Variants in HSPG2 observed in about 807,000 individuals in gnomAD.
HSPG2 encodes the protein basement membrane-specific heparan sulfate proteoglycan core protein.
A neutral mutation model predicts 526.6 loss-of-function variants in HSPG2; 278 were observed. The observed-to-expected ratio is 0.53, with a 90% CI of 0.48 to 0.58. The LOEUF is 0.58. HSPG2 is among the 20% of genes least tolerant of loss of function. HSPG2 has a pLI of 0.00. For synonymous variants in HSPG2, 2,465 were observed against 2,555.4 expected, an observed-to-expected ratio of 0.96 and a Z score of 1.07; for missense variants, 5,354 against 6,099.5, an observed-to-expected ratio of 0.88 and a Z score of 4.07.
rs34855688 is a variant in HSPG2, at chr1:21,873,489, G to A, written c.3744-65C>T. 73,155 of 1,485,000 alleles carry A rather than the reference G, an allele frequency of 0.049. 2,264 individuals carry two copies. Among genetic ancestry groups the A allele is most frequent in the South Asian group, 0.1 (9,059 of 88,460 alleles). The allele number at this position is 1,485,000 out of a possible 1,614,324, so 92.0% of individuals were successfully genotyped here. ...GGAAGCAGAACCCCAGGGCTGGGCT[G>A]AGGGCCCCATATTGAATTCAATGGC... is the stretch of plus-strand genomic sequence containing the variant. On this transcript the variant is annotated intron_variant, in intron 29 of 96. Coordinates refer to ENST00000374695, the MANE Select transcript of HSPG2 (RefSeq NM_005529.7).
At chr1:21,902,011 C>T (rs1209183567) in intron 1 of HSPG2, among the ~76,000 whole-genome samples, 4 of 152,282 alleles carry the variant, frequency 2.6e-5, no homozygotes, top group Admixed American at 6.5e-5. Flanking sequence ...TTCCCCTACT[C>T]GGCTGCAACC....
At chr1:21,911,597 G>A (rs1009106642) in intron 1 of HSPG2, among the ~76,000 whole-genome samples, 4 of 152,242 alleles carry the variant, frequency 2.6e-5, no homozygotes, top group African/African-American at 7.2e-5. Context: ...GGAAGCCTGG[G>A]TGGAGAGGCC....
rs113187760 is a variant in HSPG2 at position 21,916,443 on chromosome 1, C to T, written c.64-20133G>A. Among the ~76,000 whole-genome samples the T allele has an allele frequency of 5.7e-3, 864 of 152,000 alleles. 10 individuals are homozygous for T. Among genetic ancestry groups the T allele is most frequent in the African/African-American group, 0.019 (804 of 41,464 alleles). ...TGGCATGAATCCTGGAGGCAAAGCT[C>T]GCGGTGAACCGAGATTGTGTCACTG... On this transcript the variant is annotated intron_variant, in intron 1 of 96. Coordinates refer to ENST00000374695, the MANE Select transcript of HSPG2 (RefSeq NM_005529.7).
At chr1:21,879,879 C>A (rs1372028315) in intron 17 of HSPG2, among the ~76,000 whole-genome samples, 2 of 152,212 alleles carry the variant, frequency 1.3e-5, no homozygotes, top group African/African-American at 4.8e-5. Context: ...TCTCAAACTC[C>A]TGACCTCAAG....
At chr1:21,931,151 G>C (rs1644336034) in intron 1 of HSPG2, among the ~76,000 whole-genome samples, 1 of 152,214 alleles carries the variant, frequency 6.6e-6, no homozygotes, top group African/African-American at 2.4e-5. Flanking sequence ...GCCTCAAAGA[G>C]CCACCTTGTT....
intron 21 of HSPG2, among the ~76,000 whole-genome samples, chr1:21,877,334 G>GTGATACCTTCATCCTTCACA (rs1272109370): frequency 6.6e-6 from 1 of 151,666 alleles, no homozygotes. Context: ...TGAGAGGTAG[G>GTGATACCTTCATCCTTCACA]TGATACCTTC....
At chr1:21,884,988 C>T (rs1641776034) in intron 11 of HSPG2, 25 bp downstream of exon 11, 2 of 1,613,910 alleles carry the variant, frequency 1.2e-6, no homozygotes, top group Non-Finnish European at 1.7e-6. Context: ...CATTCCCACC[C>T]CACCACCTGG....
chr1:21,861,905 C>T, intron 38 of HSPG2, 62 bp from the exon 39 acceptor site: 1 of 1,613,774 alleles, frequency 6.2e-7, no homozygotes, highest in Non-Finnish European at 8.5e-7. Context: ...GCTCCCTTCA[C>T]TTCTGCCCCA....
intron 74 of HSPG2, among the ~76,000 whole-genome samples, chr1:21,838,373 A>G (rs1319161488): frequency 6.6e-6 from 1 of 152,168 alleles, no homozygotes; most frequent in Non-Finnish European, 1.5e-5. Context: ...CTGAAGATCC[A>G]CTGAAGCCCT....
rs2152729523 is a variant in HSPG2, at chr1:21,859,684, G to A, written c.5183-8C>T. 3 of 1,603,250 alleles carry A rather than the reference G, an allele frequency of 1.9e-6. No individual in the cohort carries two copies. The highest frequency in any genetic ancestry group is 2.2e-5 in the South Asian group (2 of 89,036). On this transcript the variant is annotated splice_region_variant and splice_polypyrimidine_tract_variant and intron_variant, in intron 41 of 96. Coordinates refer to ENST00000374695, the MANE Select transcript of HSPG2 (RefSeq NM_005529.7). The surrounding 1 kb of genome is among the most constrained non-coding windows in gnomAD (Gnocchi z 5.3). ...GGAAGTGGAGCTCGGAGCCTGGTGG[G>A]GAGGAGACAAGAGCTTGTTGGTGCA...
chr1:21,840,355 C>T lies in HSPG2; in HGVS notation c.9514-338G>A, dbSNP rs2098043722. Reference sequence around the variant, plus strand: ...GGGTCTTGCTCTGTCACCCAGGCTGCAGTGCTGTGGCACGATCTCTGCTCA... The same window carrying T: ...GGGTCTTGCTCTGTCACCCAGGCTGTAGTGCTGTGGCACGATCTCTGCTCA... On this transcript the variant is annotated intron_variant, in intron 71 of 96. Coordinates refer to ENST00000374695, the MANE Select transcript of HSPG2 (RefSeq NM_005529.7). Among the ~76,000 whole-genome samples, 3 of 152,052 alleles carry T rather than the reference C, an allele frequency of 2.0e-5. No individual in the cohort carries two copies. The South Asian group carries it at 6.2e-4, about 32-fold the overall frequency.
At chr1:21,915,253 G>A (rs1223115339) in intron 1 of HSPG2, among the ~76,000 whole-genome samples, 9 of 152,202 alleles carry the variant, frequency 5.9e-5, no homozygotes, top group Admixed American at 2.6e-4. Context: ...CCAGGCAGCC[G>A]GCACCTCTGC....
chr1:21,843,653 T>TC (rs2098058874), intron 65 of HSPG2, among the ~76,000 whole-genome samples: 3 of 152,104 alleles, frequency 2.0e-5, no homozygotes, highest in Admixed American at 6.5e-5. Context: ...GGTGTCCTTT[T>TC]CTTTTTTTTT....
chr1:21,839,770 ACCCCAGGG>A lies in HSPG2; in HGVS notation c.9709+44_9709+51del. 5.7e-6 allele frequency: 9 copies of A among 1,584,116 alleles called. No homozygotes were observed. The highest frequency in any genetic ancestry group is 7.8e-6 in the Non-Finnish European group (9 of 1,158,408). On this transcript the variant is annotated intron_variant, in intron 72 of 96. Coordinates refer to ENST00000374695, the MANE Select transcript of HSPG2 (RefSeq NM_005529.7). This position sits in a 1 kb window ranked among gnomAD's most constrained non-coding sequence, Gnocchi z 4.5. ...TAGATCACATGTGTCTACATTTCAG[ACCCCAGGG>A]CATCCCTGCCCTGCCAGCCCTATGT...
chr1:21,861,871 C>A (rs1251343929), intron 38 of HSPG2, 28 bp from the exon 39 acceptor site: 1 of 1,613,538 alleles, frequency 6.2e-7, no homozygotes. Context: ...AAGGTCAGGT[C>A]ATGGGAAGCC....
rs74060199 is a variant in HSPG2, at chr1:21,864,376, G to A, written c.4627-163C>T. Reference sequence around the variant, plus strand: ...CTGCTCAGTCTGTCCTCCCACCCACGGCCCTCTCCCAGTCCACACTGTTCA... The same window carrying A: ...CTGCTCAGTCTGTCCTCCCACCCACAGCCCTCTCCCAGTCCACACTGTTCA... On this transcript the variant is annotated intron_variant, in intron 36 of 96. Coordinates refer to ENST00000374695, the MANE Select transcript of HSPG2 (RefSeq NM_005529.7). The surrounding 1 kb of genome is among the most constrained non-coding windows in gnomAD (Gnocchi z 4.8). Among the ~76,000 whole-genome samples, 5,349 of 152,124 alleles carry A rather than the reference G, an allele frequency of 0.035. 322 individuals carry two copies. The highest frequency in any genetic ancestry group is 0.12 in the African/African-American group (5,055 of 41,492).
intron 75 of HSPG2, among the ~76,000 whole-genome samples, chr1:21,835,898 C>T (rs534861321): frequency 1.2e-4 from 18 of 150,042 alleles, no homozygotes; most frequent in Non-Finnish European, 2.2e-4. Context: ...GCACGAGAAA[C>T]GCTTGAACCC....
intron 47 of HSPG2, 145 bp from the exon 48 acceptor site, chr1:21,855,128 G>T: frequency 1.5e-6 from 2 of 1,357,300 alleles, no homozygotes; most frequent in Non-Finnish European, 2.0e-6. Context: ...ACGCCAGGCA[G>T]CCAAGAGGAC....
Position 21,833,801 on chromosome 1 carries a change from C to A in HSPG2, c.10830+15G>T. 2 of 1,564,456 alleles carry A rather than the reference C, an allele frequency of 1.3e-6. No individual in the cohort carries two copies. The highest frequency in any genetic ancestry group is 2.3e-5 in the East Asian group (1 of 42,676). ...CCCCCAAGTCATGCCCGCTGGTTCCCTCTCCAGCACTTACCTTGCTCCAGC... is the reference window on the plus strand; with the variant it reads ...CCCCCAAGTCATGCCCGCTGGTTCCATCTCCAGCACTTACCTTGCTCCAGC... On this transcript the variant is annotated intron_variant, in intron 78 of 96. Coordinates refer to ENST00000374695, the MANE Select transcript of HSPG2 (RefSeq NM_005529.7).
Sources: allele counts gnomAD v4.1 joint callset (sites outside exome capture counted in the v4.1 genomes callset), GRCh38; gene constraint gnomAD v4.1.1; non-coding constraint Gnocchi (gnomAD v3.1); transcripts MANE v1.5; gene names NCBI Gene and HGNC (gene_info 2026-07-23, HGNC 2026-07-21).